The following SLC13A3 variants were observed in gnomAD, a reference collection of about 807,000 sequenced individuals.
The protein encoded by SLC13A3 is Na(+)/dicarboxylate cotransporter 3.
In SLC13A3, 40 loss-of-function variants were observed where a neutral mutation model predicts 59.0. The ratio of observed to expected loss-of-function variants is 0.68; its 90% CI spans 0.53 to 0.88. The LOEUF (loss-of-function observed/expected upper bound fraction) is 0.88, where lower values mean the gene tolerates loss of function less well. Among genes scored for constraint, SLC13A3 ranks in the 40% least tolerant of loss-of-function variants. SLC13A3 has a pLI of 0.00. For missense variants in SLC13A3, 699 were observed against 783.2 expected, an observed-to-expected ratio of 0.89 and a Z score of 1.28; for synonymous variants, 317 against 330.3, an observed-to-expected ratio of 0.96 and a Z score of 0.44.
chr20:46,672,911 G>A (rs2063101445), upstream of SLC13A3, among the ~76,000 whole-genome samples: 1 of 152,060 alleles, frequency 6.6e-6, no homozygotes, highest in Non-Finnish European at 1.5e-5. Context: ...GACCCTGAGT[G>A]CATTCCTCGA....
intron 8 of SLC13A3, chr20:46,585,250 A>G: frequency 5.1e-6 from 5 of 971,422 alleles, no homozygotes; most frequent in Non-Finnish European, 6.1e-6. Context: ...GTGTGTATGT[A>G]TGAAGATATG....
intron 3 of SLC13A3, among the ~76,000 whole-genome samples, chr20:46,602,491 G>A (rs1407462843): frequency 6.6e-6 from 1 of 152,128 alleles, no homozygotes; most frequent in Non-Finnish European, 1.5e-5. Context: ...ACTCACCTCT[G>A]GGAGTTGGGT....
intron 3 of SLC13A3, among the ~76,000 whole-genome samples, chr20:46,607,194 A>C (rs990274037): frequency 1.3e-5 from 2 of 152,234 alleles, no homozygotes; most frequent in African/African-American, 4.8e-5. Flanking sequence ...TATGAAGATC[A>C]GATGAGCTAA....
chr20:46,679,677 G>T (rs1369719505), intron 1 of SLC13A3, among the ~76,000 whole-genome samples: 1 of 152,150 alleles, frequency 6.6e-6, no homozygotes, highest in Non-Finnish European at 1.5e-5. Context: ...GGAGGCCAAG[G>T]CAGGTGGATC....
intron 1 of SLC13A3, among the ~76,000 whole-genome samples, chr20:46,648,727 A>T (rs899200927): frequency 2.6e-5 from 4 of 152,128 alleles, no homozygotes; most frequent in African/African-American, 9.7e-5. Context: ...TGACATAGTG[A>T]AACCCCGTCT....
At chr20:46,659,712 T>TC (rs34518362) in intron 1 of SLC13A3, among the ~76,000 whole-genome samples, 8,413 of 78,416 alleles carry the variant, frequency 0.11, 585 homozygotes, top group African/African-American at 0.23. Context: ...TGAGACCCTA[T>TC]CCCCCCCCCC....
intron 1 of SLC13A3, among the ~76,000 whole-genome samples, chr20:46,669,007 A>AG (rs531892271): frequency 1.4e-3 from 209 of 152,312 alleles, no homozygotes; most frequent in African/African-American, 4.4e-3. Context: ...ATTCCTTACT[A>AG]GGTATGTTCA....
chr20:46,592,599 C>G, intron 5 of SLC13A3, 70 bp from the exon 6 acceptor site: 2 of 1,528,622 alleles, frequency 1.3e-6, no homozygotes, highest in Non-Finnish European at 1.8e-6. Flanking sequence ...GAGAGGGGAC[C>G]AGGCAGTACT....
intron 1 of SLC13A3, among the ~76,000 whole-genome samples, chr20:46,629,510 G>A (rs2062715096): frequency 6.6e-6 from 1 of 151,908 alleles, no homozygotes; most frequent in Non-Finnish European, 1.5e-5. Context: ...TTTTCTTCAG[G>A]AACACCAATT....
intron 10 of SLC13A3, among the ~76,000 whole-genome samples, chr20:46,568,853 C>T (rs991704584): frequency 5.9e-5 from 9 of 152,254 alleles, no homozygotes; most frequent in Non-Finnish European, 8.8e-5. Flanking sequence ...CCAGCATCCT[C>T]GCAGCCACAC....
chr20:46,619,931 T>C (rs191940600), intron 1 of SLC13A3, among the ~76,000 whole-genome samples: 171 of 152,326 alleles, frequency 1.1e-3, no homozygotes, highest in African/African-American at 3.9e-3. Context: ...GATTACACCA[T>C]GACTTTCGTG....
At chr20:46,572,669 A>G (rs886703535) in intron 10 of SLC13A3, among the ~76,000 whole-genome samples, 9 of 152,198 alleles carry the variant, frequency 5.9e-5, no homozygotes, top group African/African-American at 2.2e-4. Flanking sequence ...ATCTAACCAT[A>G]ATAACCAACT....
intron 1 of SLC13A3, among the ~76,000 whole-genome samples, chr20:46,661,213 C>G (rs1484634550): frequency 6.6e-6 from 1 of 152,110 alleles, no homozygotes; most frequent in Non-Finnish European, 1.5e-5. Context: ...TAAGAAAGAA[C>G]AGTAGAGAAT....
chr20:46,628,902 G>A (rs890986353), intron 1 of SLC13A3, among the ~76,000 whole-genome samples: 8 of 152,172 alleles, frequency 5.3e-5, no homozygotes. Context: ...GGAAGCCTGG[G>A]GATAGGTGGT....
chr20:46,643,771 C>G (rs1600605376), intron 1 of SLC13A3, among the ~76,000 whole-genome samples: 1 of 152,162 alleles, frequency 6.6e-6, no homozygotes. Flanking sequence ...AGGCCAGATA[C>G]AGTTGCTCGT....
Position 46,560,034 on chromosome 20 carries a change from A to C in SLC13A3, c.1797T>G (p.Phe599Leu), listed in dbSNP as rs1447808981. ...ALPPTLANDT[F>L]RTL is the part of the protein sequence containing the mutation. ...CCTCCAGGGGGACTCAGAGGGTCCG[A>C]AATGTGTCATTGGCCAAGGTGGGTG... is the stretch of plus-strand genomic sequence containing the variant. The change falls in exon 13 of 13, where the codon TTT (phenylalanine) becomes TTG (leucine). Residue 599 changes from phenylalanine (F) to leucine (L), a missense_variant. Coordinates refer to ENST00000279027, the MANE Select transcript of SLC13A3 (RefSeq NM_022829.6). The C allele has an allele frequency of 1.2e-6, 2 of 1,614,128 alleles. No individual in the cohort carries two copies. Among genetic ancestry groups the C allele is most frequent in the South Asian group, 2.2e-5 (2 of 91,080 alleles).
intron 6 of SLC13A3, among the ~76,000 whole-genome samples, chr20:46,591,068 G>A (rs574155761): frequency 6.6e-6 from 1 of 151,900 alleles, no homozygotes; most frequent in South Asian, 2.1e-4. Flanking sequence ...TACTCTGGAG[G>A]CTGAGGCAGG....
chr20:46,573,974 C>T (rs938287131), intron 10 of SLC13A3, among the ~76,000 whole-genome samples: 2 of 152,186 alleles, frequency 1.3e-5, no homozygotes, highest in African/African-American at 4.8e-5. Context: ...TTTAACGCCT[C>T]GGTTTACAAG....
At chr20:46,672,804 A>T (rs1034468221), upstream of SLC13A3, among the ~76,000 whole-genome samples, 31 of 152,152 alleles carry the variant, frequency 2.0e-4, no homozygotes, top group Admixed American at 1.3e-4. Context: ...TCTGGTTGAC[A>T]GCTGAGCCCA....
Sources: gnomAD v4.1 joint callset for allele counts (sites outside exome capture counted in the v4.1 genomes callset) on GRCh38, gnomAD v4.1.1 for gene constraint, MANE v1.5 for transcripts, NCBI Gene and HGNC (gene_info 2026-07-23, HGNC 2026-07-21) for gene names.